MTSS2: variants seen among roughly 807,000 people sequenced by gnomAD.
The protein encoded by MTSS2 is MTSS I-BAR domain containing 2, also known as protein MTSS 2.
In MTSS2, 27 loss-of-function variants were observed where a neutral mutation model predicts 67.1. The observed-to-expected ratio is 0.40, with a 90% confidence interval of 0.30 to 0.55. The LOEUF (loss-of-function observed/expected upper bound fraction) is 0.55, where lower values mean the gene tolerates loss of function less well. MTSS2 is among the 20% of genes least tolerant of loss of function. The pLI is 0.43. For synonymous variants in MTSS2, 624 were observed against 468.6 expected, an observed-to-expected ratio of 1.33 and a Z score of -4.28; for missense variants, 1,171 against 1,067.8, an observed-to-expected ratio of 1.10 and a Z score of -1.35.
chr16:70,665,750 C>T, intron 11 of MTSS2: 1 of 503,910 alleles, frequency 2.0e-6, no homozygotes, highest in East Asian at 3.3e-5. Context: ...ACGGTGAACG[C>T]TGACCCACCT....
rs1448664055 is a variant in MTSS2, at chr16:70,677,773, G to A, written c.732+19C>T. The A allele has an allele frequency of 6.3e-7, 1 of 1,591,320 alleles. No homozygotes were observed. On this transcript the variant is annotated intron_variant, in intron 9 of 14. Coordinates refer to ENST00000338779, the MANE Select transcript of MTSS2 (RefSeq NM_138383.3). The stretch of plus-strand genomic sequence containing the variant: ...CTCCCTGCCCCTGGCCCTGGCCCTT[G>A]GCCAGAGGGCTCCCGCACCTGCTCG...
Position 70,680,858 on chromosome 16 carries a change from C to A in MTSS2, c.141G>T (p.Val47=). 6.9e-7 allele frequency: 1 copy of A among 1,448,856 alleles called. No homozygotes were observed. Among genetic ancestry groups the A allele is most frequent in the East Asian group, 2.8e-5 (1 of 35,722 alleles). 89.8% of individuals were successfully genotyped at this position (1,448,856 alleles called of 1,614,324 possible). The change falls in exon 3 of 15, where the codon GTG becomes GTT. Residue 47 remains valine, a synonymous_variant. Transcript: ENST00000338779. ...CATCCAGGAAGGCCACAGCAGCCAG[C>A]ACGGTGGTCCTGGGGAGAGGGACAA... The part of the protein sequence containing the change: ...TKLHSQLRTT[V]LAAVAFLDAF...
intron 13 of MTSS2, 49 bp downstream of exon 13, chr16:70,664,871 G>A (rs765677599): frequency 6.6e-7 from 1 of 1,514,266 alleles, no homozygotes; most frequent in South Asian, 1.3e-5. Flanking sequence ...CCACTGGCTG[G>A]GCCTCCTGGG....
At chr16:70,670,340 G>A (rs1210812475) in intron 11 of MTSS2, among the ~76,000 whole-genome samples, 1 of 152,158 alleles carries the variant, frequency 6.6e-6, no homozygotes, top group Non-Finnish European at 1.5e-5. Flanking sequence ...AAATTGGTAT[G>A]AGCACTTGGC....
At chr16:70,680,630 C>T (rs1438013891) in intron 3 of MTSS2, among the ~76,000 whole-genome samples, 164 bp downstream of exon 3, 1 of 152,072 alleles carries the variant, frequency 6.6e-6, no homozygotes, top group Non-Finnish European at 1.5e-5. Flanking sequence ...CCTCTTGTGA[C>T]GAGGGGCTCA....
At chr16:70,677,427 AGGTACG>A (rs1419272311) in intron 9 of MTSS2, among the ~76,000 whole-genome samples, 1 of 150,398 alleles carries the variant, frequency 6.6e-6, no homozygotes, top group Non-Finnish European at 1.5e-5. Context: ...TGGGGTGGCC[AGGTACG>A]CCTGGGTCTA....
chr16:70,667,978 T>G (rs1171093837), intron 11 of MTSS2, among the ~76,000 whole-genome samples: 1 of 150,068 alleles, frequency 6.7e-6, no homozygotes, highest in Non-Finnish European at 1.5e-5. Context: ...TCCCAGGAGT[T>G]TTTTTTTTTT....
Position 70,661,530 on chromosome 16 carries a change from A to G in MTSS2, c.*2147T>C. 2.9e-6 allele frequency: 1 copy of G among 346,464 alleles called. No individual in the cohort carries two copies. Among genetic ancestry groups the G allele is most frequent in the Non-Finnish European group, 5.7e-6 (1 of 176,092 alleles). The allele number at this position is 346,464 out of a possible 1,614,324, so 21.5% of individuals were successfully genotyped here. A position where few individuals can be genotyped will look rare whatever the true frequency, so the allele number is the denominator to read the frequency against. ...GAATATTTCTCCGTACAAAATGAGA[A>G]ATTAAACGAACGTAAAGTCCCCCAA... On this transcript the variant is annotated 3_prime_UTR_variant, in exon 15 of 15. Coordinates refer to ENST00000338779, the MANE Select transcript of MTSS2 (RefSeq NM_138383.3).
intron 10 of MTSS2, 101 bp from the exon 11 acceptor site, chr16:70,674,629 G>T: frequency 1.1e-6 from 1 of 911,530 alleles, no homozygotes; most frequent in Non-Finnish European, 1.7e-6. Context: ...GAGGTGAGGG[G>T]CAAAGGAAGG....
rs532036017 is a variant in MTSS2, at chr16:70,674,356, C to T, written c.1003G>A (p.Ala335Thr). 47 of 1,614,088 alleles carry T rather than the reference C, an allele frequency of 2.9e-5. No homozygotes were observed. In the South Asian group the frequency reaches 3.4e-4, roughly 12 times the overall value. ...GGCGAGGGGGGCTTGGAGTAGGTGG[C>T]GTCCTGGGAGACGAAGCCAGAGTCA... ...SHDSGFVSQDATYSKPPSPMP... is the reference protein window; with the variant it reads ...SHDSGFVSQDTTYSKPPSPMP... The change falls in exon 11 of 15, where the codon GCC becomes ACC. Residue 335 changes from alanine (A) to threonine (T), a missense_variant. Coordinates refer to ENST00000338779, the MANE Select transcript of MTSS2 (RefSeq NM_138383.3).
intron 1 of MTSS2, among the ~76,000 whole-genome samples, chr16:70,682,777 G>A (rs921632671): frequency 6.6e-6 from 1 of 152,058 alleles, no homozygotes; most frequent in African/African-American, 2.4e-5. Flanking sequence ...GGCTCCAGCA[G>A]CCAGTGCCCC....
chr16:70,683,565 C>T (rs1375692932), intron 1 of MTSS2, among the ~76,000 whole-genome samples: 1 of 152,232 alleles, frequency 6.6e-6, no homozygotes, highest in Non-Finnish European at 1.5e-5. Flanking sequence ...GGTGCCGTGC[C>T]CAGAACTATG....
rs1567475664 is a variant in MTSS2 at position 70,662,029 on chromosome 16, G to A, written c.*1648C>T. 1 of 152,600 alleles carries A rather than the reference G, an allele frequency of 6.6e-6. No homozygotes were observed. The highest frequency in any genetic ancestry group is 1.5e-5 in the Non-Finnish European group (1 of 68,406). 9.5% of individuals were successfully genotyped at this position (152,600 alleles called of 1,614,324 possible). ...CTCGGCCAGGCAGTTGTTGAACCTA[G>A]TGACTTACTTACAGGGACCATTCTT... is the stretch of plus-strand genomic sequence containing the variant. On this transcript the variant is annotated 3_prime_UTR_variant, in exon 15 of 15. Coordinates refer to ENST00000338779, the MANE Select transcript of MTSS2 (RefSeq NM_138383.3).
rs777109072 is a variant in MTSS2 at position 70,674,476 on chromosome 16, C to G, written c.883G>C (p.Gly295Arg). 1 of 1,614,034 alleles carries G rather than the reference C, an allele frequency of 6.2e-7. No individual in the cohort carries two copies. The highest frequency in any genetic ancestry group is 1.7e-5 in the Admixed American group (1 of 60,018). The change falls in exon 11 of 15, where the codon GGT becomes CGT. Residue 295 changes from glycine (G) to arginine (R), a missense_variant. Gly to Arg is a moderately radical substitution (Grantham distance 125, BLOSUM62 -2). Transcript: ENST00000338779. Reference sequence around the variant, plus strand: ...GAACTGGGTGAGTATGTTTGGGCACCCCCAGGCCATGGGGCTCCGCCACCC... The same window carrying G: ...GAACTGGGTGAGTATGTTTGGGCACGCCCAGGCCATGGGGCTCCGCCACCC... ...AKGGGAPWPG[G>R]AQTYSPSSTC...
chr16:70,678,501 C>T (rs962632296), intron 7 of MTSS2, 92 bp from the exon 8 acceptor site: 13 of 1,458,588 alleles, frequency 8.9e-6, no homozygotes, highest in East Asian at 7.1e-5. Context: ...TGGCATCTCT[C>T]GGCCGTTGGG....
chr16:70,667,010 T>TCA (rs2052738509), intron 11 of MTSS2, among the ~76,000 whole-genome samples: 1 of 152,150 alleles, frequency 6.6e-6, no homozygotes, highest in Non-Finnish European at 1.5e-5. Context: ...GTGTGGTGGC[T>TCA]CACACCTGTA....
At chr16:70,669,325 G>A (rs1354365135) in intron 11 of MTSS2, among the ~76,000 whole-genome samples, 1 of 152,180 alleles carries the variant, frequency 6.6e-6, no homozygotes, top group Non-Finnish European at 1.5e-5. Flanking sequence ...TAATCCAGTA[G>A]AAAAATGGGC....
chr16:70,671,127 G>C (rs1286061825), intron 11 of MTSS2, among the ~76,000 whole-genome samples: 2 of 151,850 alleles, frequency 1.3e-5, no homozygotes, highest in Non-Finnish European at 2.9e-5. Flanking sequence ...CAATAAAAAA[G>C]TTCCTTGGGC....
intron 1 of MTSS2, among the ~76,000 whole-genome samples, chr16:70,684,356 G>A (rs1652119451): frequency 1.3e-5 from 2 of 151,014 alleles, no homozygotes; most frequent in Non-Finnish European, 1.5e-5. Flanking sequence ...GTCCCAGGGG[G>A]AGTGCACCAT....
Sources: gnomAD v4.1 joint callset for allele counts (sites outside exome capture counted in the v4.1 genomes callset) on GRCh38, gnomAD v4.1.1 for gene constraint, MANE v1.5 for transcripts, NCBI Gene and HGNC (gene_info 2026-07-23, HGNC 2026-07-21) for gene names.